Variants in RBFOX2 observed in about 807,000 individuals in gnomAD.
The protein encoded by RBFOX2 is RNA binding protein fox-1 homolog 2.
A neutral mutation model predicts 49.1 loss-of-function variants in RBFOX2; 10 were observed. The observed-to-expected ratio is 0.20, with a 90% CI of 0.13 to 0.35. The LOEUF (loss-of-function observed/expected upper bound fraction) is 0.35. Ranked by LOEUF, RBFOX2 falls within the 10% of genes least tolerant of loss-of-function variation. The probability of loss-of-function intolerance (pLI) is 1.00; values close to 1 mark genes in which losing one functional copy is unlikely to be tolerated. For missense variants in RBFOX2, 323 were observed against 486.9 expected (o/e 0.66, Z 3.17); for synonymous variants, 183 against 187.4 (o/e 0.98, Z 0.19).
chr22:35,907,654 A>AT (rs895129129), intron 1 of RBFOX2, among the ~76,000 whole-genome samples: 59 of 148,434 alleles, frequency 4.0e-4, no homozygotes, highest in Middle Eastern at 3.4e-3. Context: ...TCAAAACTCG[A>AT]TTTTTTTTTT....
chr22:35,882,286 T>A (rs919423373), intron 1 of RBFOX2, among the ~76,000 whole-genome samples: 1 of 152,106 alleles, frequency 6.6e-6, no homozygotes, highest in Non-Finnish European at 1.5e-5. Context: ...ATTCTACAGA[T>A]AGGTCAAGTA....
intron 1 of RBFOX2, among the ~76,000 whole-genome samples, chr22:35,832,950 T>C (rs185518608): frequency 2.6e-4 from 40 of 152,348 alleles, no homozygotes; most frequent in African/African-American, 6.7e-4. Context: ...ATTTGAAATG[T>C]TCTCTATACA....
chr22:35,909,360 T>G (rs1056891977), intron 1 of RBFOX2, among the ~76,000 whole-genome samples: 1 of 151,698 alleles, frequency 6.6e-6, no homozygotes, highest in Non-Finnish European at 1.5e-5. Flanking sequence ...AAAGTATGGG[T>G]GGAAAGAAGG....
chr22:35,969,228 A>G (rs767896975), intron 1 of RBFOX2, among the ~76,000 whole-genome samples: 5 of 152,180 alleles, frequency 3.3e-5, no homozygotes, highest in Admixed American at 2.0e-4. Context: ...GTACAACTGC[A>G]TAAGAATCTA....
exon 1 of RBFOX2, among the ~76,000 whole-genome samples, chr22:36,028,583 G>C (rs1178061789): frequency 6.8e-6 from 1 of 147,530 alleles, no homozygotes; most frequent in Non-Finnish European, 1.5e-5. Flanking sequence ...GCCCCTCCGC[G>C]CCTCGCGGCC....
chr22:35,837,477 T>C (rs958384697), intron 1 of RBFOX2, among the ~76,000 whole-genome samples: 1 of 149,640 alleles, frequency 6.7e-6, no homozygotes, highest in East Asian at 1.9e-4. Flanking sequence ...TGGGATTGGA[T>C]GTCTGGCTCA....
intron 1 of RBFOX2, chr22:35,997,637 G>C (rs1297384080): frequency 1.3e-5 from 2 of 152,212 alleles, no homozygotes; most frequent in Non-Finnish European, 2.9e-5. Flanking sequence ...GGAGTATAGA[G>C]GAAAGTCTGA....
intron 1 of RBFOX2, among the ~76,000 whole-genome samples, chr22:35,811,518 C>T (rs779854827): frequency 1.4e-4 from 21 of 152,262 alleles, no homozygotes; most frequent in South Asian, 8.3e-4. Flanking sequence ...CCTGATCTTG[C>T]ACTTCTAGCC....
chr22:35,958,352 A>G (rs2149916149), intron 1 of RBFOX2, among the ~76,000 whole-genome samples: 1 of 152,360 alleles, frequency 6.6e-6, no homozygotes, highest in South Asian at 2.1e-4. Flanking sequence ...GGCACAAGGT[A>G]TACAAAGCAC....
intron 9 of RBFOX2, chr22:35,748,266 C>T (rs530837472): frequency 6.6e-6 from 1 of 152,196 alleles, no homozygotes; most frequent in African/African-American, 2.4e-5. Flanking sequence ...TAAACATTTC[C>T]TTCTTAATTA....
intron 1 of RBFOX2, among the ~76,000 whole-genome samples, chr22:35,814,647 G>A (rs1326338776): frequency 1.3e-5 from 2 of 148,324 alleles, no homozygotes; most frequent in African/African-American, 2.5e-5. Context: ...GGAGATAGAG[G>A]CTGTGGCGAG....
intron 1 of RBFOX2, among the ~76,000 whole-genome samples, chr22:35,950,426 G>A (rs2054787441): frequency 6.6e-6 from 1 of 152,086 alleles, no homozygotes; most frequent in African/African-American, 2.4e-5. Context: ...TGCCTAGCAG[G>A]TTCTTACAGG....
intron 1 of RBFOX2, among the ~76,000 whole-genome samples, chr22:35,894,803 CTG>C (rs2047641807): frequency 6.6e-6 from 1 of 152,076 alleles, no homozygotes; most frequent in African/African-American, 2.4e-5. Context: ...CCACAGCACT[CTG>C]TACTCACCCA....
intron 1 of RBFOX2, among the ~76,000 whole-genome samples, chr22:35,929,596 G>A (rs963008559): frequency 6.6e-6 from 1 of 152,070 alleles, no homozygotes; most frequent in Non-Finnish European, 1.5e-5. Flanking sequence ...GAAATCTCAT[G>A]CCAAAGACTA....
At chr22:35,754,875 A>C (rs1036111980) in intron 9 of RBFOX2, among the ~76,000 whole-genome samples, 1 of 152,174 alleles carries the variant, frequency 6.6e-6, no homozygotes. Flanking sequence ...AGGAGGTTGG[A>C]CCAAATCATA....
chr22:35,982,026 C>G (rs1183167798), intron 1 of RBFOX2, among the ~76,000 whole-genome samples: 1 of 152,188 alleles, frequency 6.6e-6, no homozygotes, highest in Admixed American at 6.5e-5. Context: ...AAATAGCCAT[C>G]TGTACTTACA....
chr22:35,745,205 T>C (rs959407617), intron 11 of RBFOX2, among the ~76,000 whole-genome samples: 10 of 152,152 alleles, frequency 6.6e-5, no homozygotes, highest in African/African-American at 2.4e-4. Context: ...CAGTTGCATT[T>C]TGGATTAGAG....
chr22:35,971,134 G>A (rs540400691), intron 1 of RBFOX2, among the ~76,000 whole-genome samples: 2 of 152,090 alleles, frequency 1.3e-5, no homozygotes, highest in African/African-American at 4.8e-5. Flanking sequence ...GTGGGAAAAC[G>A]GCCAAATTCA....
At chr22:35,864,224 T>C (rs2043416500) in intron 1 of RBFOX2, among the ~76,000 whole-genome samples, 1 of 152,190 alleles carries the variant, frequency 6.6e-6, no homozygotes. Context: ...TAACTCATAA[T>C]ACAATGTTTT....
Sources: allele counts gnomAD v4.1 joint callset (sites outside exome capture counted in the v4.1 genomes callset), GRCh38; gene constraint gnomAD v4.1.1; transcripts MANE v1.5; gene names NCBI Gene and HGNC (gene_info 2026-07-23, HGNC 2026-07-21).